WDPCP: variants seen among roughly 807,000 people sequenced by gnomAD.
The protein encoded by WDPCP is WD repeat-containing and planar cell polarity effector protein fritz homolog.
Under a neutral mutation model 93.1 loss-of-function variants are expected in WDPCP, and 71 were observed. The observed-to-expected ratio is 0.76, with a 90% CI of 0.63 to 0.93. The LOEUF (loss-of-function observed/expected upper bound fraction) is 0.93, where lower values mean the gene tolerates loss of function less well. WDPCP is among the 40% of genes least tolerant of loss of function. WDPCP has a pLI of 0.00. For synonymous variants in WDPCP, 315 were observed against 315.0 expected, an observed-to-expected ratio of 1.00 and a Z score of 0.00; for missense variants, 844 against 887.4, an observed-to-expected ratio of 0.95 and a Z score of 0.62.
intron 12 of WDPCP, among the ~76,000 whole-genome samples, chr2:63,316,159 A>G (rs570631521): frequency 9.2e-5 from 14 of 152,298 alleles, no homozygotes; most frequent in Non-Finnish European, 1.8e-4. Flanking sequence ...GGAAAAAGAG[A>G]TTAAAAATAT....
rs567095546 is a variant in WDPCP at position 63,191,654 on chromosome 2, A to G, written c.1916-16822T>C. On this transcript the variant is annotated intron_variant, in intron 14 of 17. Coordinates refer to ENST00000272321, the MANE Select transcript of WDPCP (RefSeq NM_015910.7). ...GTCCCCATTAAACTCTATTATTTCTATGACATCAAGGCTGAATATCTGTTC... is the reference window on the plus strand; with the variant it reads ...GTCCCCATTAAACTCTATTATTTCTGTGACATCAAGGCTGAATATCTGTTC... Among the ~76,000 whole-genome samples, 9 of 152,292 alleles carry G rather than the reference A, an allele frequency of 5.9e-5. No homozygotes were observed. In the South Asian group the frequency reaches 1.9e-3, roughly 32 times the overall value.
rs561069360 is a variant in WDPCP at position 63,401,341 on chromosome 2, G to C, written c.1435+2707C>G. 3.9e-5 allele frequency among the ~76,000 whole-genome samples: 6 copies of C among 152,240 alleles called. No individual in the cohort carries two copies. The South Asian group carries it at 8.3e-4, about 21-fold the overall frequency. ...CCATCAAAAAGTGGGCAAAGGATAC[G>C]AACAGACACTTCTCAGAAGAAGACA... On this transcript the variant is annotated intron_variant, in intron 10 of 17. Coordinates refer to ENST00000272321, the MANE Select transcript of WDPCP (RefSeq NM_015910.7).
chr2:63,487,989 T>A (rs1408952653), intron 2 of WDPCP, among the ~76,000 whole-genome samples: 1 of 152,072 alleles, frequency 6.6e-6, no homozygotes, highest in Admixed American at 6.6e-5. Flanking sequence ...TAGAGGAACG[T>A]TTGGATACAT....
intron 12 of WDPCP, among the ~76,000 whole-genome samples, chr2:63,340,796 A>G (rs916340302): frequency 6.6e-6 from 1 of 152,086 alleles, no homozygotes. Context: ...TCACCGTTGT[A>G]TATTTATTTC....
chr2:63,334,661 T>A (rs536229937), intron 12 of WDPCP, among the ~76,000 whole-genome samples: 1 of 152,148 alleles, frequency 6.6e-6, no homozygotes, highest in Non-Finnish European at 1.5e-5. Flanking sequence ...CTTAGTGAGT[T>A]TGGGGCCCCA....
At chr2:63,678,446 C>T (rs1168069964) in intron 2 of WDPCP, among the ~76,000 whole-genome samples, 1 of 152,148 alleles carries the variant, frequency 6.6e-6, no homozygotes, top group African/African-American at 2.4e-5. Flanking sequence ...TTTATCTTTC[C>T]AGCCTCTAAT....
chr2:63,198,718 C>T (rs1675650344), intron 14 of WDPCP, among the ~76,000 whole-genome samples: 2 of 152,116 alleles, frequency 1.3e-5, no homozygotes, highest in South Asian at 4.1e-4. Context: ...TGTAAATTAC[C>T]CAGTTTCAGA....
At chr2:63,231,972 C>T (rs1224897916) in intron 14 of WDPCP, among the ~76,000 whole-genome samples, 2 of 152,090 alleles carry the variant, frequency 1.3e-5, no homozygotes, top group Non-Finnish European at 2.9e-5. Flanking sequence ...GGTACTGGTA[C>T]CAAAACAGAG....
intron 17 of WDPCP, among the ~76,000 whole-genome samples, chr2:63,125,961 G>A (rs1669874597): frequency 6.9e-6 from 1 of 145,934 alleles, no homozygotes; most frequent in Admixed American, 7.0e-5. Context: ...TTGAGATAAG[G>A]TCTCACTCTG....
intron 10 of WDPCP, among the ~76,000 whole-genome samples, chr2:63,393,545 A>T (rs942713164): frequency 1.3e-5 from 2 of 152,038 alleles, no homozygotes; most frequent in African/African-American, 4.8e-5. Flanking sequence ...TAAATAAAAT[A>T]AAAAAGGGGA....
intron 9 of WDPCP, among the ~76,000 whole-genome samples, chr2:63,419,192 G>C (rs889683441): frequency 6.6e-6 from 1 of 152,088 alleles, no homozygotes; most frequent in Non-Finnish European, 1.5e-5. Flanking sequence ...ACCCAGGTTG[G>C]GGTGCAGTGC....
At chr2:63,648,119 A>C (rs2106634618) in intron 3 of WDPCP, among the ~76,000 whole-genome samples, 1 of 152,280 alleles carries the variant, frequency 6.6e-6, no homozygotes, top group East Asian at 1.9e-4. Flanking sequence ...GTATCATAGA[A>C]CATTCTTTGG....
chr2:63,751,428 A>G (rs774294020), intron 2 of WDPCP, among the ~76,000 whole-genome samples: 1 of 152,178 alleles, frequency 6.6e-6, no homozygotes, highest in Non-Finnish European at 1.5e-5. Flanking sequence ...AAAAAAATCT[A>G]CATTAAAACC....
chr2:63,658,860 C>T (rs144768213), intron 2 of WDPCP, among the ~76,000 whole-genome samples: 85 of 152,310 alleles, frequency 5.6e-4, no homozygotes, highest in African/African-American at 1.9e-3. Context: ...TTTGTTTCCT[C>T]AGTTCTCCTC....
At chr2:63,659,871 C>T (rs1195719990) in intron 2 of WDPCP, among the ~76,000 whole-genome samples, 1 of 152,176 alleles carries the variant, frequency 6.6e-6, no homozygotes, top group Non-Finnish European at 1.5e-5. Context: ...GGTCTAGGAT[C>T]CCAACTTCTC....
At chr2:63,148,329 GA>G (rs1231665196) in intron 17 of WDPCP, among the ~76,000 whole-genome samples, 2 of 150,872 alleles carry the variant, frequency 1.3e-5, no homozygotes, top group Admixed American at 1.3e-4. Context: ...ACTGTATCAA[GA>G]AAAAAAAAGT....
chr2:63,665,558 T>C (rs1247237759), intron 2 of WDPCP, among the ~76,000 whole-genome samples: 1 of 152,364 alleles, frequency 6.6e-6, no homozygotes, highest in Non-Finnish European at 1.5e-5. Flanking sequence ...CATACTGAGA[T>C]ACTAGGAGTC....
chr2:63,622,274 C>A, intron 3 of WDPCP: 2 of 1,608,972 alleles, frequency 1.2e-6, no homozygotes, highest in Non-Finnish European at 1.7e-6. Flanking sequence ...CCTCTGCCTT[C>A]TCCTTGGCTT....
chr2:63,186,141 C>A (rs1427644553), intron 14 of WDPCP, among the ~76,000 whole-genome samples: 1 of 152,182 alleles, frequency 6.6e-6, no homozygotes, highest in Non-Finnish European at 1.5e-5. Flanking sequence ...TTGAATCCCA[C>A]CCTGGCATGA....
Sources: gnomAD v4.1 joint callset for allele counts (sites outside exome capture counted in the v4.1 genomes callset) on GRCh38, gnomAD v4.1.1 for gene constraint, MANE v1.5 for transcripts, NCBI Gene and HGNC (gene_info 2026-07-23, HGNC 2026-07-21) for gene names.